CETP: variants seen among roughly 807,000 people sequenced by gnomAD.
The protein encoded by CETP is BPI fold containing family F.
CETP carries 56 observed loss-of-function variants against 66.5 expected under a neutral mutation model. The ratio of observed to expected loss-of-function variants is 0.84; its 90% CI spans 0.68 to 1.05. CETP has a LOEUF of 1.05. CETP is among the 50% of genes least tolerant of loss of function. CETP has a pLI of 0.00. For synonymous variants in CETP, 251 were observed against 245.7 expected (o/e 1.02, Z -0.20); for missense variants, 612 against 609.6 (o/e 1.00, Z -0.04).
intron 2 of CETP, among the ~76,000 whole-genome samples, chr16:56,967,305 G>T (rs761732565): frequency 6.6e-6 from 1 of 151,568 alleles, no homozygotes; most frequent in African/African-American, 2.4e-5. Context: ...GAGATTGCCC[G>T]CTGCACTCCA....
chr16:56,981,824 CCTT>C (rs2142006687), intron 13 of CETP, 144 bp downstream of exon 13: 2 of 792,878 alleles, frequency 2.5e-6, no homozygotes, highest in South Asian at 1.5e-5. Flanking sequence ...CTCTTGTGAC[CCTT>C]CTTCTCCCTG....
Position 56,972,063 on chromosome 16 carries a change from TA to T in CETP, c.731del (p.Tyr244SerfsTer50). 2 of 1,613,920 alleles carry T rather than the reference TA, an allele frequency of 1.2e-6. No individual in the cohort carries two copies. Among genetic ancestry groups the T allele is most frequent in the Non-Finnish European group, 1.7e-6 (2 of 1,179,812 alleles). ...LTGDPVITAS[Y>X]LESHHKGHFI... is the part of the protein sequence containing the mutation. ...AGGTGATCCCGTCATCACAGCCTCC[TA>T]CCTGGAGTCCCATCACAAGGTAGGA... On this transcript the variant is annotated frameshift_variant, in exon 8 of 16. Transcript: ENST00000200676. LOFTEE classifies it high-confidence loss of function.
At chr16:56,979,275 G>A in intron 11 of CETP, among the ~76,000 whole-genome samples, 1 of 152,148 alleles carries the variant, frequency 6.6e-6, no homozygotes, top group Non-Finnish European at 1.5e-5. Context: ...TGGATATATT[G>A]CAGAACACCC....
intron 15 of CETP, 44 bp downstream of exon 15, chr16:56,983,455 G>A (rs538920220): frequency 2.5e-6 from 4 of 1,607,172 alleles, no homozygotes; most frequent in Non-Finnish European, 2.6e-6. Flanking sequence ...CCTGGGGAGA[G>A]AGGCCCAGAC....
intron 2 of CETP, among the ~76,000 whole-genome samples, chr16:56,966,524 T>C (rs573180062): frequency 2.0e-5 from 3 of 152,328 alleles, no homozygotes; most frequent in African/African-American, 7.2e-5. Context: ...CACCCTGTGC[T>C]GTTCTCTTCC....
intron 14 of CETP, among the ~76,000 whole-genome samples, chr16:56,982,813 G>T (rs1448290824): frequency 6.6e-6 from 1 of 152,176 alleles, no homozygotes; most frequent in Non-Finnish European, 1.5e-5. Context: ...ACATCTGCTT[G>T]TCCACATGGC....
chr16:56,980,345 A>AT (rs1308322119), intron 11 of CETP, among the ~76,000 whole-genome samples: 1 of 151,982 alleles, frequency 6.6e-6, no homozygotes, highest in African/African-American at 2.4e-5. Context: ...ACTACCACGT[A>AT]TTTTTTTGTA....
chr16:56,977,742 ATCTCATT>A lies in CETP; in HGVS notation c.982-348_982-342del, dbSNP rs1378321488. Among the ~76,000 whole-genome samples, 294 of 152,302 alleles carry A rather than the reference ATCTCATT, an allele frequency of 1.9e-3. 2 individuals carry two copies. Among genetic ancestry groups the A allele is most frequent in the South Asian group, 3.9e-3 (19 of 4,832 alleles). On this transcript the variant is annotated intron_variant, in intron 10 of 15. Transcript: ENST00000200676. ...CTGTTCTAAGCTCTTTCCACAGATT[ATCTCATT>A]CCATCCTCAGGACAACCCTATGAGG...
intron 14 of CETP, 80 bp downstream of exon 14, chr16:56,982,317 G>C: frequency 7.4e-7 from 1 of 1,349,942 alleles, no homozygotes. Flanking sequence ...TTCCCAGGCA[G>C]AGCTTCAGGT....
chr16:56,962,912 A>G, intron 1 of CETP, 98 bp from the exon 2 acceptor site: 1 of 1,043,844 alleles, frequency 9.6e-7, no homozygotes, highest in Non-Finnish European at 1.5e-6. Flanking sequence ...TGGGAGCCTC[A>G]TCTCAGAGAG....
intron 13 of CETP, 63 bp from the exon 14 acceptor site, chr16:56,982,102 C>A: frequency 6.9e-7 from 1 of 1,453,420 alleles, no homozygotes. Context: ...GGCCGTGCAG[C>A]ATCTGCCTTG....
In CETP at chr16:56,980,043, C is replaced by A; in HGVS notation, c.1147-1115C>A. ...CAAAATACAGAGTGTTCCCATATATCCCCCACCCACTTCCCGCTTTGTCCA... is the reference window on the plus strand; with the variant it reads ...CAAAATACAGAGTGTTCCCATATATACCCCACCCACTTCCCGCTTTGTCCA... On this transcript the variant is annotated intron_variant, in intron 11 of 15. Coordinates refer to ENST00000200676, the MANE Select transcript of CETP (RefSeq NM_000078.3). Among the ~76,000 whole-genome samples the A allele has an allele frequency of 1.3e-5, 2 of 152,068 alleles. 1 individual carries two copies.
At chr16:56,967,177 A>G (rs1291188715) in intron 2 of CETP, among the ~76,000 whole-genome samples, 3 of 141,114 alleles carry the variant, frequency 2.1e-5, no homozygotes, top group African/African-American at 7.9e-5. Context: ...GTGAAACCCT[A>G]TCTCTATTAA....
chr16:56,972,143 T>G (rs1361466531), intron 8 of CETP, 60 bp downstream of exon 8: 2 of 1,346,306 alleles, frequency 1.5e-6, no homozygotes, highest in African/African-American at 2.9e-5. Flanking sequence ...GGTCCTTTTT[T>G]GTGCTCTGAC....
intron 11 of CETP, 90 bp downstream of exon 11, chr16:56,978,345 C>A (rs1292602479): frequency 3.4e-6 from 5 of 1,485,994 alleles, no homozygotes; most frequent in African/African-American, 2.8e-5. Flanking sequence ...TCTGAAGCCT[C>A]CAGATCCTTC....
At chr16:56,983,495 G>C (rs956609003) in intron 15 of CETP, 84 bp downstream of exon 15, 2 of 1,596,036 alleles carry the variant, frequency 1.3e-6, no homozygotes, top group African/African-American at 2.7e-5. Context: ...GGGGCTGTTG[G>C]GGAGACAGAC....
Position 56,962,992 on chromosome 16 carries a change from C to A in CETP, c.119-18C>A. Reference sequence around the variant, plus strand: ...TGGTGTGGGCCTGCAGCCCCTCATCCACTGCCCTCCCCTCTAGTGAACCAC... The same window carrying A: ...TGGTGTGGGCCTGCAGCCCCTCATCAACTGCCCTCCCCTCTAGTGAACCAC... On this transcript the variant is annotated intron_variant, in intron 1 of 15. Coordinates refer to ENST00000200676, the MANE Select transcript of CETP (RefSeq NM_000078.3). The A allele has an allele frequency of 6.2e-7, 1 of 1,609,498 alleles. No individual in the cohort carries two copies. The highest frequency in any genetic ancestry group is 8.5e-7 in the Non-Finnish European group (1 of 1,175,892).
Position 56,969,506 on chromosome 16 carries a change from C to T in CETP, c.354C>T (p.Tyr118=), listed in dbSNP as rs754604381. 2 of 1,613,984 alleles carry T rather than the reference C, an allele frequency of 1.2e-6. No homozygotes were observed. Among genetic ancestry groups the T allele is most frequent in the Non-Finnish European group, 1.7e-6 (2 of 1,180,022 alleles). ...VVFKGTLKYG[Y]TTAWWLGIDQ... is the part of the protein sequence containing the mutation. ...TCAAGGGGACCCTGAAGTATGGCTACACCACTGCCTGGTGGTAAGCATTCC... is the reference window on the plus strand; with the variant it reads ...TCAAGGGGACCCTGAAGTATGGCTATACCACTGCCTGGTGGTAAGCATTCC... The change falls in exon 3 of 16, where the codon TAC becomes TAT. Residue 118 remains tyrosine, a synonymous_variant. Coordinates refer to ENST00000200676, the MANE Select transcript of CETP (RefSeq NM_000078.3).
rs777365309 is a variant in CETP at position 56,983,582 on chromosome 16, C to T, written c.1408-10C>T. The T allele has an allele frequency of 1.9e-6, 3 of 1,614,164 alleles. No individual in the cohort carries two copies. Among genetic ancestry groups the T allele is most frequent in the Non-Finnish European group, 1.7e-6 (2 of 1,179,994 alleles). On this transcript the variant is annotated splice_polypyrimidine_tract_variant and intron_variant, in intron 15 of 15. Transcript: ENST00000200676. The stretch of plus-strand genomic sequence containing the variant: ...AGCTCGCCCCTCTCTCCTACTGCCC[C>T]TCCCTTCAGGGCTTCCTGCTGCTGC...
Sources: allele counts gnomAD v4.1 joint callset (sites outside exome capture counted in the v4.1 genomes callset), GRCh38; gene constraint gnomAD v4.1.1; transcripts MANE v1.5; gene names NCBI Gene and HGNC (gene_info 2026-07-23, HGNC 2026-07-21).